Variants in SLCO1B1 observed in about 807,000 individuals in gnomAD.
SLCO1B1 encodes OATP-2.
In SLCO1B1, 81 loss-of-function variants were observed where a neutral mutation model predicts 70.1. The ratio of observed to expected loss-of-function variants is 1.16; its 90% CI spans 0.97 to 1.39. The LOEUF (loss-of-function observed/expected upper bound fraction) is 1.39. Ranked by LOEUF, SLCO1B1 falls within the 40% of genes most tolerant of loss-of-function variation. SLCO1B1 has a pLI of 0.00. For synonymous variants in SLCO1B1, 283 were observed against 271.5 expected (o/e 1.04, Z -0.42); for missense variants, 895 against 799.6 (o/e 1.12, Z -1.44).
chr12:21,204,268 G>A lies in SLCO1B1; in HGVS notation c.1331+1582G>A, dbSNP rs1941188493. 5.9e-5 allele frequency among the ~76,000 whole-genome samples: 9 copies of A among 151,674 alleles called. No homozygotes were observed. The South Asian group carries it at 1.9e-3, about 31-fold the overall frequency. On this transcript the variant is annotated intron_variant, in intron 10 of 14. Coordinates refer to ENST00000256958, the MANE Select transcript of SLCO1B1 (RefSeq NM_006446.5). ...TTATAATAATACTAAGACATTATTTGCCTTTTTATTCTCATGCTATCCTGA... is the reference window on the plus strand; with the variant it reads ...TTATAATAATACTAAGACATTATTTACCTTTTTATTCTCATGCTATCCTGA...
rs371360562 is a variant in SLCO1B1, at chr12:21,166,831, G to C, written c.85-5819G>C. ...AAGTGGAAAGCATGTCTACACAACA[G>C]CCTACAAAGAGGTGTTTATAGCAGC... On this transcript the variant is annotated intron_variant, in intron 2 of 14. Coordinates refer to ENST00000256958, the MANE Select transcript of SLCO1B1 (RefSeq NM_006446.5). Among the ~76,000 whole-genome samples, 59 of 152,236 alleles carry C rather than the reference G, an allele frequency of 3.9e-4. 1 individual carries two copies. In the South Asian group the frequency reaches 0.012, roughly 30 times the overall value.
chr12:21,207,642 T>C (rs1268885307), intron 11 of SLCO1B1, among the ~76,000 whole-genome samples: 1 of 152,058 alleles, frequency 6.6e-6, no homozygotes, highest in Non-Finnish European at 1.5e-5. Context: ...GAATTTATTT[T>C]CCTTTGGGTA....
intron 8 of SLCO1B1, 140 bp downstream of exon 8, chr12:21,197,328 C>A (rs919940076): frequency 1.2e-6 from 1 of 829,332 alleles, no homozygotes; most frequent in Non-Finnish European, 1.8e-6. Flanking sequence ...AATTATTTTT[C>A]TAAAACTCCT....
At chr12:21,142,312 A>G (rs1243050827) in intron 2 of SLCO1B1, among the ~76,000 whole-genome samples, 1 of 151,974 alleles carries the variant, frequency 6.6e-6, no homozygotes, top group Non-Finnish European at 1.5e-5. Flanking sequence ...ATAAACAGGA[A>G]TGAGTACTCC....
chr12:21,138,409 T>C (rs1371692721), intron 1 of SLCO1B1, among the ~76,000 whole-genome samples: 2 of 152,182 alleles, frequency 1.3e-5, no homozygotes, highest in Non-Finnish European at 1.5e-5. Context: ...ATGTAAATCA[T>C]TTGAAATTTA....
intron 2 of SLCO1B1, among the ~76,000 whole-genome samples, chr12:21,168,945 G>A (rs919588985): frequency 6.6e-6 from 1 of 151,808 alleles, no homozygotes; most frequent in African/African-American, 2.4e-5. Flanking sequence ...TTTAAAAATT[G>A]CCAAATTGAA....
intron 11 of SLCO1B1, among the ~76,000 whole-genome samples, chr12:21,214,895 C>G (rs11045868): frequency 1.3e-5 from 2 of 151,218 alleles, no homozygotes; most frequent in South Asian, 2.1e-4. Flanking sequence ...GCTTCCCAAG[C>G]CAGGCAATGC....
chr12:21,185,498 A>ATAAT (rs768970279), intron 7 of SLCO1B1, among the ~76,000 whole-genome samples: 1 of 152,104 alleles, frequency 6.6e-6, no homozygotes, highest in Non-Finnish European at 1.5e-5. Flanking sequence ...CTTTTCCTGA[A>ATAAT]TAATTCTTGG....
chr12:21,208,986 T>G (rs1162410694), intron 11 of SLCO1B1, among the ~76,000 whole-genome samples: 1 of 152,068 alleles, frequency 6.6e-6, no homozygotes, highest in Non-Finnish European at 1.5e-5. Context: ...ATTCTGAAAC[T>G]TTATTAGAGT....
At chr12:21,169,831 A>T (rs1591807163) in intron 2 of SLCO1B1, among the ~76,000 whole-genome samples, 1 of 152,202 alleles carries the variant, frequency 6.6e-6, no homozygotes, top group Admixed American at 6.5e-5. Context: ...ACATTTAAAA[A>T]ATCAGTCAAC....
chr12:21,222,253 G>T, intron 12 of SLCO1B1, 47 bp from the exon 13 acceptor site: 3 of 894,226 alleles, frequency 3.4e-6, no homozygotes, highest in East Asian at 3.4e-5. Flanking sequence ...GTTTCGTTTT[G>T]ATATTTTAAT....
At position 21,136,862 on chromosome 12, in the gene SLCO1B1, C is replaced by T. The variant is rs564119570; in HGVS notation, c.-61-4652C>T. On this transcript the variant is annotated intron_variant, in intron 1 of 14. Coordinates refer to ENST00000256958, the MANE Select transcript of SLCO1B1 (RefSeq NM_006446.5). ...AGTCATTCTCCATCCAGCTTTGTTC[C>T]GTTGCTGGTGAGGAGCTGCATTCCT... 2.2e-3 allele frequency among the ~76,000 whole-genome samples: 337 copies of T among 152,244 alleles called. 3 individuals are homozygous for T. The highest frequency in any genetic ancestry group is 7.5e-3 in the African/African-American group (313 of 41,546).
At chr12:21,224,649 T>A (rs1433438715) in intron 13 of SLCO1B1, 73 bp from the exon 14 acceptor site, 29 of 919,086 alleles carry the variant, frequency 3.2e-5, no homozygotes, top group Non-Finnish European at 5.0e-5. Context: ...TCAAAATATA[T>A]CAATGTGGAA....
Position 21,239,035 on chromosome 12 carries a change from T to C in SLCO1B1, c.1922T>C (p.Ile641Thr), listed in dbSNP as rs1182613375. 1.9e-6 allele frequency: 3 copies of C among 1,587,280 alleles called. No individual in the cohort carries two copies. Among genetic ancestry groups the C allele is most frequent in the South Asian group, 1.1e-5 (1 of 89,420 alleles). ...MLRVSSLVLY[I>T]ILIYAMKKKY... ...AGAGTCTCATCACTTGTTTTATATA[T>C]TATATTAATTTATGCCATGAAGAAA... Residue 641 changes from isoleucine (I) to threonine (T), a missense_variant, in exon 15 of 15, where the codon ATT (isoleucine) becomes ACT (threonine). By Grantham distance (89) the Ile-to-Thr change is moderately conservative. Transcript: ENST00000256958.
chr12:21,203,443 G>A (rs80316721), intron 10 of SLCO1B1, among the ~76,000 whole-genome samples: 1,755 of 152,010 alleles, frequency 0.012, 13 homozygotes, highest in Non-Finnish European at 0.019. Flanking sequence ...GCTTAGGAAG[G>A]TTCACATTCA....
At chr12:21,142,681 G>T (rs1940328541) in intron 2 of SLCO1B1, among the ~76,000 whole-genome samples, 1 of 151,986 alleles carries the variant, frequency 6.6e-6, no homozygotes, top group African/African-American at 2.4e-5. Context: ...AGGCCAAGTG[G>T]CAGTCATAAG....
chr12:21,223,885 G>A (rs541665484), intron 13 of SLCO1B1, among the ~76,000 whole-genome samples: 38 of 152,090 alleles, frequency 2.5e-4, no homozygotes, highest in Non-Finnish European at 4.6e-4. Flanking sequence ...AAACAGCAGT[G>A]GAAGCAGATG....
chr12:21,233,291 G>C (rs1941560893), intron 14 of SLCO1B1, among the ~76,000 whole-genome samples: 1 of 152,038 alleles, frequency 6.6e-6, no homozygotes, highest in Non-Finnish European at 1.5e-5. Flanking sequence ...TTCTGAGTTA[G>C]GTGTCCTAGA....
intron 14 of SLCO1B1, among the ~76,000 whole-genome samples, chr12:21,235,324 G>A (rs1268801935): frequency 6.6e-6 from 1 of 150,560 alleles, no homozygotes; most frequent in African/African-American, 2.4e-5. Flanking sequence ...TTAAACTGTT[G>A]TTTGTTTAAG....
Sources: allele counts gnomAD v4.1 joint callset (sites outside exome capture counted in the v4.1 genomes callset), GRCh38; gene constraint gnomAD v4.1.1; transcripts MANE v1.5; gene names NCBI Gene and HGNC (gene_info 2026-07-23, HGNC 2026-07-21).